Variants in SLC2A9 observed in about 807,000 individuals in gnomAD.
SLC2A9 encodes solute carrier family 2 member 9.
In SLC2A9, 39 loss-of-function variants were observed where a neutral mutation model predicts 50.6. That is an observed-to-expected ratio of 0.77 (90% CI 0.60 to 1.01). The LOEUF (loss-of-function observed/expected upper bound fraction) is 1.01, where lower values mean the gene tolerates loss of function less well. SLC2A9 is among the 50% of genes least tolerant of loss of function. SLC2A9 has a pLI of 0.00. For synonymous variants in SLC2A9, 324 were observed against 276.9 expected (o/e 1.17, Z -1.69); for missense variants, 686 against 677.6 (o/e 1.01, Z -0.14).
upstream of SLC2A9, among the ~76,000 whole-genome samples, chr4:10,025,540 G>T (rs1763721720): frequency 6.6e-6 from 1 of 152,188 alleles, no homozygotes; most frequent in African/African-American, 2.4e-5. Context: ...GAAGGGGCAG[G>T]TCGACTAAGC....
intron 10 of SLC2A9, among the ~76,000 whole-genome samples, chr4:9,842,506 C>T (rs1011863892): frequency 4.6e-5 from 7 of 152,158 alleles, no homozygotes; most frequent in East Asian, 1.9e-4. Flanking sequence ...ATTACAGATT[C>T]GGAAACTGAA....
chr4:9,884,193 G>T (rs1577689791), intron 10 of SLC2A9, among the ~76,000 whole-genome samples: 1 of 152,192 alleles, frequency 6.6e-6, no homozygotes, highest in Non-Finnish European at 1.5e-5. Flanking sequence ...ACTGATACAT[G>T]CTGTTAGTGA....
chr4:9,888,941 A>G lies in SLC2A9; in HGVS notation c.1216-1299T>C, dbSNP rs1426790265. ...ACTCACTCACTAATTCAGCTGATTG[A>G]TCCGAGCTGCCCCTGGGTGCCAGGC... On this transcript the variant is annotated intron_variant, in intron 9 of 11. Transcript: ENST00000264784. Among the ~76,000 whole-genome samples the G allele has an allele frequency of 3.3e-5, 5 of 152,086 alleles. No homozygotes were observed. In the East Asian group the frequency reaches 9.7e-4, roughly 29 times the overall value.
At chr4:9,949,798 C>T (rs972739111) in intron 5 of SLC2A9, among the ~76,000 whole-genome samples, 1 of 152,214 alleles carries the variant, frequency 6.6e-6, no homozygotes, top group Non-Finnish European at 1.5e-5. Flanking sequence ...TCAAGCTCAA[C>T]TCCAATAGCT....
chr4:10,028,088 C>G (rs757023273), intron 1 of SLC2A9, among the ~76,000 whole-genome samples: 12 of 152,196 alleles, frequency 7.9e-5, no homozygotes, highest in Non-Finnish European at 1.6e-4. Flanking sequence ...AGGAGGGTTT[C>G]TGCTGCTTTG....
chr4:10,009,868 C>T (rs895246368), intron 2 of SLC2A9: 7 of 152,184 alleles, frequency 4.6e-5, no homozygotes, highest in African/African-American at 1.7e-4. Flanking sequence ...TTATAATATG[C>T]ATTTGTGTAA....
chr4:9,814,215 A>G (rs1484274645), intron 3 of SLC2A9, among the ~76,000 whole-genome samples: 1 of 152,196 alleles, frequency 6.6e-6, no homozygotes, highest in Non-Finnish European at 1.5e-5. Flanking sequence ...AGGAAACACT[A>G]GACTCATTCT....
chr4:9,918,661 T>C (rs1225931067), intron 7 of SLC2A9, among the ~76,000 whole-genome samples: 6 of 152,216 alleles, frequency 3.9e-5, no homozygotes, highest in Non-Finnish European at 8.8e-5. Flanking sequence ...GCTACATGCA[T>C]GTGCACTTGA....
At chr4:9,896,700 G>C (rs909844525) in intron 8 of SLC2A9, among the ~76,000 whole-genome samples, 1 of 152,194 alleles carries the variant, frequency 6.6e-6, no homozygotes, top group African/African-American at 2.4e-5. Flanking sequence ...AGAAGTTTTA[G>C]AGTTTAGCTT....
At chr4:9,848,692 G>C (rs1361850161) in intron 10 of SLC2A9, among the ~76,000 whole-genome samples, 1 of 150,208 alleles carries the variant, frequency 6.7e-6, no homozygotes, top group Non-Finnish European at 1.5e-5. Context: ...AAGGATGAGT[G>C]GAAATTCTTT....
chr4:9,931,968 A>ATG (rs1746171290), intron 6 of SLC2A9, among the ~76,000 whole-genome samples: 2 of 33,864 alleles, frequency 5.9e-5, no homozygotes, highest in Non-Finnish European at 9.9e-5. Flanking sequence ...CTCTCTATAT[A>ATG]TATATATATA....
At chr4:9,840,800 T>C (rs550587464) in intron 10 of SLC2A9, among the ~76,000 whole-genome samples, 1 of 152,310 alleles carries the variant, frequency 6.6e-6, no homozygotes, top group South Asian at 2.1e-4. Context: ...GAGTAATTTA[T>C]AAAGAATAAA....
At chr4:9,942,438 C>CTGCA (rs1379125029) in intron 5 of SLC2A9, among the ~76,000 whole-genome samples, 3 of 152,170 alleles carry the variant, frequency 2.0e-5, no homozygotes, top group Non-Finnish European at 4.4e-5. Context: ...AGAATGGAGC[C>CTGCA]TGCATGTGGA....
At chr4:9,891,757 G>A (rs1737479940) in intron 8 of SLC2A9, among the ~76,000 whole-genome samples, 2 of 152,200 alleles carry the variant, frequency 1.3e-5, no homozygotes, top group Admixed American at 6.5e-5. Context: ...GCTTCCTGGA[G>A]GAGGCAGGAG....
chr4:9,801,410 C>T (rs982431565), intron 3 of SLC2A9, among the ~76,000 whole-genome samples: 1 of 152,194 alleles, frequency 6.6e-6, no homozygotes, highest in African/African-American at 2.4e-5. Context: ...ATTATAACCT[C>T]ACAGAGGAAA....
intron 10 of SLC2A9, among the ~76,000 whole-genome samples, chr4:9,838,916 G>A (rs1727545335): frequency 6.6e-6 from 1 of 152,100 alleles, no homozygotes; most frequent in Admixed American, 6.5e-5. Flanking sequence ...GACAACCTAG[G>A]CAATACCATT....
chr4:9,832,991 A>T (rs1341293512), intron 11 of SLC2A9, among the ~76,000 whole-genome samples: 2 of 152,164 alleles, frequency 1.3e-5, no homozygotes, highest in Non-Finnish European at 2.9e-5. Context: ...GGGCCATGTG[A>T]AGGTGCTGGA....
intron 10 of SLC2A9, among the ~76,000 whole-genome samples, chr4:9,856,365 T>C (rs988787992): frequency 6.6e-6 from 1 of 152,114 alleles, no homozygotes; most frequent in East Asian, 1.9e-4. Flanking sequence ...TAATAAAAAA[T>C]GCTCAATATC....
intron 1 of SLC2A9, chr4:10,036,140 C>T (rs966635734): frequency 5.8e-6 from 1 of 171,784 alleles, no homozygotes; most frequent in Admixed American, 6.4e-5. Context: ...CTGTCCACGT[C>T]CTGTGTATAT....
Sources: allele counts gnomAD v4.1 joint callset (sites outside exome capture counted in the v4.1 genomes callset), GRCh38; gene constraint gnomAD v4.1.1; transcripts MANE v1.5; gene names NCBI Gene and HGNC (gene_info 2026-07-23, HGNC 2026-07-21).